Variants in PRKAA1 observed in about 807,000 individuals in gnomAD.
PRKAA1 encodes the protein protein kinase AMP-activated catalytic subunit alpha 1.
A neutral mutation model predicts 56.9 loss-of-function variants in PRKAA1; 23 were observed. The observed-to-expected ratio is 0.40, with a 90% confidence interval of 0.29 to 0.57. The LOEUF (loss-of-function observed/expected upper bound fraction) is 0.57. Among genes scored for constraint, PRKAA1 ranks in the 20% least tolerant of loss-of-function variants. The pLI is 0.39. For missense variants in PRKAA1, 413 were observed against 679.7 expected, an observed-to-expected ratio of 0.61 and a Z score of 4.36; for synonymous variants, 226 against 227.0, an observed-to-expected ratio of 1.00 and a Z score of 0.04.
At chr5:40,773,758 G>C (rs954372908) in intron 3 of PRKAA1, among the ~76,000 whole-genome samples, 2 of 152,202 alleles carry the variant, frequency 1.3e-5, no homozygotes, top group African/African-American at 2.4e-5. Flanking sequence ...AGTGAGAGAT[G>C]AGCTGAAAAC....
intron 8 of PRKAA1, among the ~76,000 whole-genome samples, chr5:40,763,876 C>A (rs969947950): frequency 2.6e-5 from 4 of 152,124 alleles, no homozygotes; most frequent in Non-Finnish European, 5.9e-5. Context: ...GAAAAAAATT[C>A]AAACGTGAAC....
chr5:40,764,333 A>C (rs753882689), intron 8 of PRKAA1, 181 bp downstream of exon 8: 24 of 586,602 alleles, frequency 4.1e-5, no homozygotes, highest in Non-Finnish European at 5.1e-5. Flanking sequence ...AATATGCTAT[A>C]AGATTACAAG....
rs1743090376 is a variant in PRKAA1, at chr5:40,759,759, A to G, written c.*3019T>C. 1 of 152,366 alleles carries G rather than the reference A, an allele frequency of 6.6e-6. No individual in the cohort carries two copies. Among genetic ancestry groups the G allele is most frequent in the South Asian group, 2.1e-4 (1 of 4,832 alleles). 9.4% of individuals were successfully genotyped at this position (152,366 alleles called of 1,614,324 possible). ...AACATCAAAAAGAGCAGTGCTAGGC[A>G]GAGGATTTTGTATAAAATCATCTAA... On this transcript the variant is annotated 3_prime_UTR_variant, in exon 9 of 9. Transcript: ENST00000397128.
intron 1 of PRKAA1, among the ~76,000 whole-genome samples, chr5:40,797,600 C>T (rs770748819): frequency 2.0e-5 from 3 of 152,216 alleles, no homozygotes; most frequent in Non-Finnish European, 4.4e-5. Context: ...AAATCGACAG[C>T]CTCCTACAGA....
intron 5 of PRKAA1, among the ~76,000 whole-genome samples, 199 bp downstream of exon 5, chr5:40,769,217 T>A (rs1743609380): frequency 6.6e-6 from 1 of 152,172 alleles, no homozygotes; most frequent in Admixed American, 6.5e-5. Context: ...GGGAAAAAAA[T>A]TAATGTACTC....
At chr5:40,791,211 G>A (rs1044346028) in intron 1 of PRKAA1, among the ~76,000 whole-genome samples, 5 of 152,184 alleles carry the variant, frequency 3.3e-5, no homozygotes, top group Admixed American at 2.0e-4. Context: ...TGTAGTAAAT[G>A]GACTCTGTCA....
At chr5:40,765,348 G>T in intron 6 of PRKAA1, 110 bp from the exon 7 acceptor site, 1 of 1,260,518 alleles carries the variant, frequency 7.9e-7, no homozygotes, top group Non-Finnish European at 1.1e-6. Context: ...TATTCATACT[G>T]TATTATTGTC....
intron 3 of PRKAA1, among the ~76,000 whole-genome samples, chr5:40,774,415 G>A (rs149268858): frequency 7.2e-5 from 11 of 152,086 alleles, no homozygotes; most frequent in African/African-American, 1.4e-4. Context: ...TAGAAAATAC[G>A]GGTGCTGAAA....
intron 1 of PRKAA1, among the ~76,000 whole-genome samples, chr5:40,797,200 C>A (rs1744963679): frequency 2.0e-5 from 3 of 152,170 alleles, no homozygotes; most frequent in African/African-American, 7.2e-5. Flanking sequence ...GAATGCTGTA[C>A]AATGCACCCA....
chr5:40,789,621 T>C (rs1413722854), intron 1 of PRKAA1, among the ~76,000 whole-genome samples: 1 of 152,196 alleles, frequency 6.6e-6, no homozygotes, highest in East Asian at 1.9e-4. Context: ...TGATTACCAG[T>C]AGCTGGGGTA....
intron 1 of PRKAA1, among the ~76,000 whole-genome samples, chr5:40,789,735 A>C (rs1744639055): frequency 1.3e-5 from 2 of 152,314 alleles, no homozygotes; most frequent in African/African-American, 4.8e-5. Context: ...TCATGATTAC[A>C]GTAAATATAT....
At position 40,798,115 on chromosome 5, in the gene PRKAA1, G is replaced by A. The variant is rs777189640; in HGVS notation, c.75C>T (p.Gly25=). 40 of 1,607,828 alleles carry A rather than the reference G, an allele frequency of 2.5e-5. No individual in the cohort carries two copies. The highest frequency in any genetic ancestry group is 3.3e-5 in the Non-Finnish European group (39 of 1,176,626). Residue 25 remains glycine (G), a synonymous_variant, in exon 1 of 9, where the codon GGC becomes GGT. Coordinates refer to ENST00000397128, the MANE Select transcript of PRKAA1 (RefSeq NM_006251.6). ...KQKHDGRVKI[G]HYILGDTLGV... is the part of the protein sequence containing the mutation. Reference sequence around the variant, plus strand: ...CCAGCGTGTCACCCAGAATGTAGTGGCCGATCTTCACCCGCCCGTCGTGTT... The same window carrying A: ...CCAGCGTGTCACCCAGAATGTAGTGACCGATCTTCACCCGCCCGTCGTGTT...
At position 40,777,569 on chromosome 5, in the gene PRKAA1, T is replaced by A. The variant is rs780649839; in HGVS notation, c.145A>T (p.Thr49Ser). ...GKVKVGKHEL[T>S]GHKVAVKILN... ...ATCTTCACAGCTACTTTATGCCCAG[T>A]CAATTCATGTTTGCCAACTGTAAAA... Residue 49 changes from threonine (T) to serine (S), a missense_variant, in exon 2 of 9, where the codon ACT becomes TCT. Thr to Ser is a moderately conservative substitution (Grantham distance 58). This residue lies in a region of PRKAA1 where 61 missense variants were observed against 73.1 expected (regional missense o/e 0.83). Transcript: ENST00000397128. The A allele has an allele frequency of 6.2e-7, 1 of 1,609,954 alleles. No homozygotes were observed. Among genetic ancestry groups the A allele is most frequent in the African/African-American group, 1.3e-5 (1 of 74,672 alleles).
rs1307009787 is a variant in PRKAA1 at position 40,761,099 on chromosome 5, A to T, written c.*1679T>A. The T allele has an allele frequency of 6.6e-6, 1 of 152,186 alleles. No individual in the cohort carries two copies. The highest frequency in any genetic ancestry group is 1.9e-4 in the East Asian group (1 of 5,286). 9.4% of individuals were successfully genotyped at this position (152,186 alleles called of 1,614,324 possible). A position where few individuals can be genotyped will look rare whatever the true frequency, so the allele number is the denominator to read the frequency against. On this transcript the variant is annotated 3_prime_UTR_variant, in exon 9 of 9. Transcript: ENST00000397128. ...AAAAAGTAATTTAAGCCCAAAACAA[A>T]TGTGACCACTTATTAATAGAATTGA...
chr5:40,773,330 T>C (rs892590591), intron 3 of PRKAA1, among the ~76,000 whole-genome samples: 9 of 130,810 alleles, frequency 6.9e-5, no homozygotes, highest in Admixed American at 4.3e-4. Flanking sequence ...AAAACTTGAT[T>C]AAACAAAATA....
At chr5:40,796,749 C>T (rs1199192711) in intron 1 of PRKAA1, among the ~76,000 whole-genome samples, 1 of 152,220 alleles carries the variant, frequency 6.6e-6, no homozygotes. Flanking sequence ...TTCTTCTCTT[C>T]TAACCCTAAA....
At chr5:40,782,016 A>G (rs1185985154) in intron 1 of PRKAA1, among the ~76,000 whole-genome samples, 1 of 152,226 alleles carries the variant, frequency 6.6e-6, no homozygotes, top group East Asian at 1.9e-4. Flanking sequence ...GCATGGTGCT[A>G]AACACATCCT....
chr5:40,778,730 C>A (rs1282963602), intron 1 of PRKAA1, among the ~76,000 whole-genome samples: 3 of 132,134 alleles, frequency 2.3e-5, no homozygotes, highest in African/African-American at 8.4e-5. Context: ...CATGTGGTTT[C>A]TAGTTTTTTT....
rs1185114438 is a variant in PRKAA1 at position 40,777,488 on chromosome 5, T to C, written c.226A>G (p.Ile76Val). 1 of 1,613,814 alleles carries C rather than the reference T, an allele frequency of 6.2e-7. No homozygotes were observed. The highest frequency in any genetic ancestry group is 1.7e-5 in the Admixed American group (1 of 60,030). ...TGCCTGAAAAGCTTGAGGTTCTGAA[T>C]TTCTCTGCGGATTTTTCCTACCACA... ...LDVVGKIRREIQNLKLFRHPH... is the reference protein window; with the variant it reads ...LDVVGKIRREVQNLKLFRHPH... The change falls in exon 2 of 9, where the codon ATT becomes GTT. Residue 76 changes from isoleucine (I) to valine (V), a missense_variant. Coordinates refer to ENST00000397128, the MANE Select transcript of PRKAA1 (RefSeq NM_006251.6).
Sources: allele counts gnomAD v4.1 joint callset (sites outside exome capture counted in the v4.1 genomes callset), GRCh38; gene constraint gnomAD v4.1.1; regional missense constraint gnomAD v4.1.1; transcripts MANE v1.5; gene names NCBI Gene and HGNC (gene_info 2026-07-23, HGNC 2026-07-21).